Variants in TNNI3K observed in about 807,000 individuals in gnomAD.
TNNI3K encodes the protein TNNI3 interacting kinase, also known as serine/threonine-protein kinase TNNI3K.
Under a neutral mutation model 114.5 loss-of-function variants are expected in TNNI3K, and 140 were observed. The ratio of observed to expected loss-of-function variants is 1.22; its 90% CI spans 1.07 to 1.41. TNNI3K has a LOEUF of 1.41. Among genes scored for constraint, TNNI3K ranks in the 40% most tolerant of loss-of-function variants. The pLI is 0.00. For missense variants in TNNI3K, 1,125 were observed against 1,007.6 expected, an observed-to-expected ratio of 1.12 and a Z score of -1.58; for synonymous variants, 347 against 347.5, an observed-to-expected ratio of 1.00 and a Z score of 0.02.
intron 5 of TNNI3K, among the ~76,000 whole-genome samples, chr1:74,318,501 G>A (rs930109494): frequency 7.9e-5 from 12 of 152,274 alleles, no homozygotes; most frequent in Admixed American, 5.2e-4. Context: ...TGAATTTGGC[G>A]GGCACATGCT....
At chr1:74,347,588 A>C (rs187645945) in intron 9 of TNNI3K, among the ~76,000 whole-genome samples, 226 of 152,288 alleles carry the variant, frequency 1.5e-3, no homozygotes, top group African/African-American at 5.3e-3. Flanking sequence ...CGACTTCCAC[A>C]ATGGTTGAAC....
intron 5 of TNNI3K, among the ~76,000 whole-genome samples, chr1:74,283,651 C>G (rs1331898628): frequency 6.6e-6 from 1 of 152,054 alleles, no homozygotes; most frequent in Non-Finnish European, 1.5e-5. Flanking sequence ...TATTGCTAAC[C>G]AAATCAACCT....
In TNNI3K at chr1:74,463,391, T is replaced by C. The variant is rs3737563; in HGVS notation, c.2012-50T>C. 24,247 of 1,599,726 alleles carry C rather than the reference T, an allele frequency of 0.015. 891 individuals carry two copies. The highest frequency in any genetic ancestry group is 0.14 in the East Asian group (6,422 of 44,730). On this transcript the variant is annotated intron_variant, in intron 20 of 24. Coordinates refer to ENST00000326637, the MANE Select transcript of TNNI3K (RefSeq NM_015978.3). The stretch of plus-strand genomic sequence containing the variant: ...GTGTGTGTGTGTCTTCATTTGTTGC[T>C]TGAAATAAACATGTGAATTTCAAAA...
chr1:74,377,567 T>C (rs138095659), intron 17 of TNNI3K, among the ~76,000 whole-genome samples: 9 of 152,210 alleles, frequency 5.9e-5, no homozygotes, highest in African/African-American at 2.2e-4. Flanking sequence ...TACAGAATTA[T>C]ATGTAATAAA....
At chr1:74,516,747 A>T (rs1368249144) in intron 23 of TNNI3K, among the ~76,000 whole-genome samples, 1 of 152,194 alleles carries the variant, frequency 6.6e-6, no homozygotes, top group Non-Finnish European at 1.5e-5. Flanking sequence ...TTATTTCTCC[A>T]GTAGTAATAA....
intron 17 of TNNI3K, among the ~76,000 whole-genome samples, chr1:74,390,330 A>G (rs1663697884): frequency 6.6e-6 from 1 of 152,110 alleles, no homozygotes. Context: ...AGAGAAAATC[A>G]TATTTCCTGG....
chr1:74,405,214 C>T (rs1414080365), intron 17 of TNNI3K, among the ~76,000 whole-genome samples: 1 of 151,880 alleles, frequency 6.6e-6, no homozygotes, highest in Non-Finnish European at 1.5e-5. Flanking sequence ...AAAGACAAGG[C>T]ATTAGAGACG....
intron 20 of TNNI3K, among the ~76,000 whole-genome samples, chr1:74,459,052 C>A (rs1190971859): frequency 6.6e-6 from 1 of 152,060 alleles, no homozygotes; most frequent in Non-Finnish European, 1.5e-5. Context: ...GGATAATGAC[C>A]TCTACTGTCC....
intron 24 of TNNI3K, among the ~76,000 whole-genome samples, chr1:74,540,634 A>C (rs1476005342): frequency 1.3e-5 from 2 of 151,210 alleles, no homozygotes; most frequent in East Asian, 3.9e-4. Context: ...CCTTCCTCTC[A>C]TGATATTCCG....
At chr1:74,321,544 T>A (rs1028712618) in intron 5 of TNNI3K, among the ~76,000 whole-genome samples, 1 of 152,000 alleles carries the variant, frequency 6.6e-6, no homozygotes, top group Non-Finnish European at 1.5e-5. Flanking sequence ...ATCCATCAGC[T>A]TTTCTGCTTG....
rs114387703 is a variant in TNNI3K at position 74,411,317 on chromosome 1, G to A, written c.1773-24763G>A. On this transcript the variant is annotated intron_variant, in intron 17 of 24. Transcript: ENST00000326637. The stretch of plus-strand genomic sequence containing the variant: ...AACCATTTGGGATGCAGCTAAGTGC[G>A]GATACACTGAGATACAACCTTTTTA... Among the ~76,000 whole-genome samples the A allele has an allele frequency of 5.7e-3, 870 of 152,176 alleles. 8 individuals are homozygous for A. The highest frequency in any genetic ancestry group is 0.02 in the African/African-American group (819 of 41,506).
chr1:74,352,317 G>T (rs565796334), intron 9 of TNNI3K, among the ~76,000 whole-genome samples: 1 of 151,976 alleles, frequency 6.6e-6, no homozygotes, highest in Non-Finnish European at 1.5e-5. Context: ...CTGCCTGATC[G>T]TTCCTCTGGA....
At chr1:74,353,954 G>T in intron 10 of TNNI3K, 26 bp from the exon 11 acceptor site, 1 of 1,581,740 alleles carries the variant, frequency 6.3e-7, no homozygotes, top group African/African-American at 1.4e-5. Context: ...TTCTCCTTTT[G>T]TTCTTTCAAT....
chr1:74,246,984 G>A (rs1654601862), intron 2 of TNNI3K, among the ~76,000 whole-genome samples: 1 of 152,174 alleles, frequency 6.6e-6, no homozygotes, highest in East Asian at 1.9e-4. Context: ...ACCTATTTAA[G>A]CTTCAATTTC....
chr1:74,410,821 G>A (rs192473263), intron 17 of TNNI3K, among the ~76,000 whole-genome samples: 2 of 152,180 alleles, frequency 1.3e-5, no homozygotes, highest in African/African-American at 4.8e-5. Context: ...AATCAGTGGT[G>A]CCTTATGAGG....
intron 5 of TNNI3K, among the ~76,000 whole-genome samples, chr1:74,315,327 G>A (rs529704041): frequency 1.3e-5 from 2 of 152,154 alleles, no homozygotes; most frequent in East Asian, 3.9e-4. Context: ...TTTCAGCCCA[G>A]TGAAGAACCA....
intron 11 of TNNI3K, among the ~76,000 whole-genome samples, chr1:74,362,473 C>T (rs905537107): frequency 6.6e-6 from 1 of 151,440 alleles, no homozygotes; most frequent in Non-Finnish European, 1.5e-5. Flanking sequence ...TGTCATTTAC[C>T]ACTAATCTCC....
At chr1:74,543,453 G>A (rs1039771154) in intron 24 of TNNI3K, among the ~76,000 whole-genome samples, 1 of 152,042 alleles carries the variant, frequency 6.6e-6, no homozygotes, top group Non-Finnish European at 1.5e-5. Context: ...AATTGTCTTA[G>A]GTGCATTGCC....
At chr1:74,519,758 C>A (rs994622780) in intron 23 of TNNI3K, among the ~76,000 whole-genome samples, 1 of 151,974 alleles carries the variant, frequency 6.6e-6, no homozygotes, top group African/African-American at 2.4e-5. Flanking sequence ...AGGACAAGTA[C>A]CTATAATGAA....
Sources: allele counts gnomAD v4.1 joint callset (sites outside exome capture counted in the v4.1 genomes callset), GRCh38; gene constraint gnomAD v4.1.1; transcripts MANE v1.5; gene names NCBI Gene and HGNC (gene_info 2026-07-23, HGNC 2026-07-21).